FRMD5: variants seen among roughly 807,000 people sequenced by gnomAD.
FRMD5 encodes FERM domain-containing protein 5.
FRMD5 carries 20 observed loss-of-function variants against 69.0 expected under a neutral mutation model. The ratio of observed to expected loss-of-function variants is 0.29; its 90% CI spans 0.20 to 0.42. The LOEUF (loss-of-function observed/expected upper bound fraction) is 0.42. Among genes scored for constraint, FRMD5 ranks in the 10% least tolerant of loss-of-function variants. The pLI is 1.00. For synonymous variants in FRMD5, 271 were observed against 260.1 expected (o/e 1.04, Z -0.40); for missense variants, 595 against 708.6 (o/e 0.84, Z 1.82).
intron 1 of FRMD5, among the ~76,000 whole-genome samples, chr15:44,166,003 A>G (rs1360879255): frequency 6.6e-6 from 1 of 152,156 alleles, no homozygotes; most frequent in Non-Finnish European, 1.5e-5. Flanking sequence ...TTCTATTTTA[A>G]ATCATTTCCT....
intron 1 of FRMD5, among the ~76,000 whole-genome samples, chr15:44,191,894 T>A (rs2078199586): frequency 6.1e-3 from 1 of 164 alleles, no homozygotes; most frequent in African/African-American, 7.6e-3. Flanking sequence ...ATGTGGTAAA[T>A]ATATATATAT....
intron 1 of FRMD5, among the ~76,000 whole-genome samples, chr15:43,971,062 TAAAAC>T (rs111273331): frequency 5.5e-4 from 83 of 151,030 alleles, no homozygotes; most frequent in Admixed American, 9.3e-4. Context: ...TTGTCTCTAC[TAAAAC>T]AAAACAAAAC....
chr15:44,079,718 AT>A (rs1390098009), intron 1 of FRMD5, among the ~76,000 whole-genome samples: 1 of 152,174 alleles, frequency 6.6e-6, no homozygotes, highest in Non-Finnish European at 1.5e-5. Context: ...CCAAATGTCC[AT>A]TGACTGATGG....
rs1423731168 is a variant in FRMD5, at chr15:44,133,207, C to T, written c.102+61746G>A. 2.1e-5 allele frequency among the ~76,000 whole-genome samples: 3 copies of T among 142,218 alleles called. No individual in the cohort carries two copies. In the East Asian group the frequency reaches 6.3e-4, roughly 30 times the overall value. The allele number at this position is 142,218 out of a possible 152,430, so 93.3% of individuals were successfully genotyped here. ...CCAGCCTGGCGACACTGCGAGACTC[C>T]GTCTCAAAAAAAAAAATCAAAACAA... is the stretch of plus-strand genomic sequence containing the variant. On this transcript the variant is annotated intron_variant, in intron 1 of 13. Coordinates refer to ENST00000417257, the MANE Select transcript of FRMD5 (RefSeq NM_032892.5).
At chr15:43,880,038 G>C (rs558431934) in intron 13 of FRMD5, among the ~76,000 whole-genome samples, 3 of 152,182 alleles carry the variant, frequency 2.0e-5, no homozygotes, top group Non-Finnish European at 4.4e-5. Context: ...AGGGACAGAG[G>C]GGGCAGAGAA....
Position 44,082,289 on chromosome 15 carries a change from C to T in FRMD5, c.102+112664G>A, listed in dbSNP as rs929496009. On this transcript the variant is annotated intron_variant, in intron 1 of 13. Coordinates refer to ENST00000417257, the MANE Select transcript of FRMD5 (RefSeq NM_032892.5). ...TCTGCTAATCGAGAATAAGTCTGCA[C>T]TGGCAAAACCAAACTAATATATTTT... is the stretch of plus-strand genomic sequence containing the variant. 2.6e-5 allele frequency among the ~76,000 whole-genome samples: 4 copies of T among 151,944 alleles called. 1 individual carries two copies. The highest frequency in any genetic ancestry group is 9.7e-5 in the African/African-American group (4 of 41,390).
chr15:43,882,956 C>T (rs1031799536), intron 13 of FRMD5, among the ~76,000 whole-genome samples: 1 of 151,512 alleles, frequency 6.6e-6, no homozygotes, highest in Admixed American at 6.6e-5. Flanking sequence ...CAGGCTCCCA[C>T]GACCATGCCC....
chr15:44,108,245 C>T (rs1395716747), intron 1 of FRMD5, among the ~76,000 whole-genome samples: 1 of 152,086 alleles, frequency 6.6e-6, no homozygotes, highest in African/African-American at 2.4e-5. Flanking sequence ...GTGGTGCACA[C>T]CTGTAGTCAC....
intron 1 of FRMD5, among the ~76,000 whole-genome samples, chr15:43,934,144 C>T (rs546448614): frequency 6.6e-6 from 1 of 152,296 alleles, no homozygotes; most frequent in African/African-American, 2.4e-5. Context: ...GATCCAGCTG[C>T]CCCTCCATGG....
At chr15:44,158,530 T>G (rs2077561767) in intron 1 of FRMD5, among the ~76,000 whole-genome samples, 2 of 152,336 alleles carry the variant, frequency 1.3e-5, no homozygotes, top group South Asian at 4.1e-4. Context: ...AAATTTTTAC[T>G]CTTCCTAATA....
chr15:44,144,189 C>T (rs1840905158), intron 1 of FRMD5, among the ~76,000 whole-genome samples: 2 of 152,016 alleles, frequency 1.3e-5, no homozygotes, highest in African/African-American at 4.8e-5. Flanking sequence ...TCTAGCATAG[C>T]TTCTGCTTAA....
At chr15:44,170,948 T>A (rs534631803) in intron 1 of FRMD5, among the ~76,000 whole-genome samples, 1 of 152,336 alleles carries the variant, frequency 6.6e-6, no homozygotes, top group East Asian at 1.9e-4. Flanking sequence ...AGCCATTCCA[T>A]GACAAGATAT....
intron 4 of FRMD5, among the ~76,000 whole-genome samples, chr15:43,915,779 T>C (rs1276078030): frequency 6.6e-6 from 1 of 152,206 alleles, no homozygotes; most frequent in Non-Finnish European, 1.5e-5. Flanking sequence ...TCTCTCAGCC[T>C]GGCTTTATGG....
intron 1 of FRMD5, among the ~76,000 whole-genome samples, chr15:43,992,877 T>G (rs1304630015): frequency 6.6e-6 from 1 of 152,106 alleles, no homozygotes; most frequent in Non-Finnish European, 1.5e-5. Flanking sequence ...CACTTTTTCT[T>G]TTTTTGATGT....
chr15:43,940,380 T>A (rs1321949092), intron 1 of FRMD5, among the ~76,000 whole-genome samples: 1 of 152,138 alleles, frequency 6.6e-6, no homozygotes, highest in Admixed American at 6.6e-5. Context: ...AATGATAGAA[T>A]GATTCCCTTG....
chr15:43,979,243 C>G (rs143890079), intron 1 of FRMD5, among the ~76,000 whole-genome samples: 1 of 151,126 alleles, frequency 6.6e-6, no homozygotes, highest in Admixed American at 6.6e-5. Context: ...GAGGCTGAGG[C>G]AGAACTGCTT....
intron 1 of FRMD5, among the ~76,000 whole-genome samples, chr15:44,013,853 C>T (rs1352053410): frequency 3.4e-5 from 3 of 89,490 alleles, no homozygotes; most frequent in South Asian, 4.7e-4. Context: ...TCTGGAGACA[C>T]CTTCTTTTTT....
At chr15:44,085,998 T>C (rs1894183059) in intron 1 of FRMD5, among the ~76,000 whole-genome samples, 1 of 152,144 alleles carries the variant, frequency 6.6e-6, no homozygotes, top group African/African-American at 2.4e-5. Flanking sequence ...AGCTTTTTTA[T>C]TATCTCCTGT....
At chr15:44,133,934 T>C (rs1469742080) in intron 1 of FRMD5, among the ~76,000 whole-genome samples, 1 of 152,022 alleles carries the variant, frequency 6.6e-6, no homozygotes, top group African/African-American at 2.4e-5. Context: ...ATAATAATAA[T>C]TTTAGCCCTA....
Sources: allele counts gnomAD v4.1 joint callset (sites outside exome capture counted in the v4.1 genomes callset), GRCh38; gene constraint gnomAD v4.1.1; transcripts MANE v1.5; gene names NCBI Gene and HGNC (gene_info 2026-07-23, HGNC 2026-07-21).